The following OR9Q1 variants were observed in gnomAD, a reference collection of about 807,000 sequenced individuals.
The protein encoded by OR9Q1 is olfactory receptor family 9 subfamily Q member 1.
For missense variants in OR9Q1, 374 were observed against 378.8 expected (o/e 0.99, Z 0.11); for synonymous variants, 153 against 148.6 (o/e 1.03, Z -0.22).
chr11:58,162,471 T>G (rs1186338327), intron 2 of OR9Q1, among the ~76,000 whole-genome samples: 1 of 152,180 alleles, frequency 6.6e-6, no homozygotes, highest in African/African-American at 2.4e-5. Context: ...TGAAGCTGTC[T>G]ATGCCACGCT....
intron 2 of OR9Q1, among the ~76,000 whole-genome samples, chr11:58,169,608 C>T (rs866251659): frequency 2.0e-5 from 3 of 152,012 alleles, no homozygotes; most frequent in Admixed American, 1.3e-4. Context: ...TAAAATGAAC[C>T]TTTTCCAAAC....
intron 2 of OR9Q1, among the ~76,000 whole-genome samples, chr11:58,165,451 G>T (rs1476068869): frequency 1.3e-5 from 2 of 152,176 alleles, no homozygotes; most frequent in African/African-American, 4.8e-5. Context: ...AATAAATTCT[G>T]TAGACATTTA....
chr11:58,110,387 G>A (rs1266199831), intron 2 of OR9Q1, among the ~76,000 whole-genome samples: 1 of 152,118 alleles, frequency 6.6e-6, no homozygotes, highest in Non-Finnish European at 1.5e-5. Flanking sequence ...GCTCTCCTAT[G>A]AACTATGTCA....
intron 2 of OR9Q1, among the ~76,000 whole-genome samples, chr11:58,062,046 A>T (rs1175601366): frequency 6.6e-6 from 1 of 152,230 alleles, no homozygotes; most frequent in Non-Finnish European, 1.5e-5. Context: ...TAGTATAGGT[A>T]GGAATGGTGC....
intron 1 of OR9Q1, chr11:58,031,535 G>C (rs1157246454): frequency 6.2e-7 from 1 of 1,614,092 alleles, no homozygotes; most frequent in Middle Eastern, 1.6e-4. Flanking sequence ...GTCGTGCTCA[G>C]ATGTCACTTG....
intron 1 of OR9Q1, chr11:58,030,853 G>A (rs1183395306): frequency 2.7e-6 from 2 of 735,038 alleles, no homozygotes; most frequent in Non-Finnish European, 4.8e-6. Context: ...CTCTTCTGAA[G>A]TGAAAGGCAT....
intron 2 of OR9Q1, among the ~76,000 whole-genome samples, chr11:58,093,041 TCTCTAA>T (rs1433665592): frequency 4.6e-5 from 7 of 152,174 alleles, no homozygotes; most frequent in Admixed American, 3.3e-4. Flanking sequence ...TAACTCAACT[TCTCTAA>T]CTCTGTCTAT....
chr11:58,055,180 A>G (rs1853315435), intron 1 of OR9Q1, among the ~76,000 whole-genome samples: 1 of 152,218 alleles, frequency 6.6e-6, no homozygotes, highest in Admixed American at 6.5e-5. Flanking sequence ...AAGGGGACCT[A>G]CACCATAGGA....
chr11:58,093,406 A>G (rs1853701846), intron 2 of OR9Q1, among the ~76,000 whole-genome samples: 1 of 152,194 alleles, frequency 6.6e-6, no homozygotes, highest in African/African-American at 2.4e-5. Context: ...ATGACCAACA[A>G]GCATGTGAAA....
chr11:58,058,912 G>C (rs1048382831), intron 2 of OR9Q1, among the ~76,000 whole-genome samples: 1 of 152,282 alleles, frequency 6.6e-6, no homozygotes, highest in South Asian at 2.1e-4. Context: ...ATGGGAACTG[G>C]AAACAGTTGG....
At chr11:58,065,757 G>C (rs1175059230) in intron 2 of OR9Q1, among the ~76,000 whole-genome samples, 1 of 152,158 alleles carries the variant, frequency 6.6e-6, no homozygotes, top group Admixed American at 6.5e-5. Flanking sequence ...TGTGCAAAGG[G>C]GGGCATTGAG....
chr11:58,084,474 C>G (rs1287141216), intron 2 of OR9Q1, among the ~76,000 whole-genome samples: 6 of 151,748 alleles, frequency 4.0e-5, no homozygotes, highest in African/African-American at 1.5e-4. Context: ...CAAAATCTGA[C>G]AGAGACTAAA....
intron 2 of OR9Q1, among the ~76,000 whole-genome samples, chr11:58,082,147 T>C (rs1196624764): frequency 4.6e-5 from 7 of 152,018 alleles, no homozygotes; most frequent in Non-Finnish European, 8.8e-5. Context: ...AATAGGAACA[T>C]TTTTACACTG....
At chr11:58,151,523 A>G (rs1854351680) in intron 2 of OR9Q1, among the ~76,000 whole-genome samples, 1 of 152,242 alleles carries the variant, frequency 6.6e-6, no homozygotes, top group South Asian at 2.1e-4. Flanking sequence ...AACTGTCTTC[A>G]GTATGACTCT....
intron 2 of OR9Q1, among the ~76,000 whole-genome samples, chr11:58,113,779 A>G (rs1489417042): frequency 6.6e-6 from 1 of 152,198 alleles, no homozygotes; most frequent in Non-Finnish European, 1.5e-5. Context: ...GCTGGGGAAG[A>G]TAAATAACTT....
At chr11:58,097,392 T>A (rs1167891899) in intron 2 of OR9Q1, among the ~76,000 whole-genome samples, 6 of 152,224 alleles carry the variant, frequency 3.9e-5, no homozygotes. Flanking sequence ...GTTAGATGTG[T>A]ATTTAACATT....
rs1433805486 is a variant in OR9Q1 at position 58,136,695 on chromosome 11, A to G, written c.-14-42736A>G. 2.6e-5 allele frequency among the ~76,000 whole-genome samples: 4 copies of G among 152,310 alleles called. No homozygotes were observed. The South Asian group carries it at 6.2e-4, about 24-fold the overall frequency. The stretch of plus-strand genomic sequence containing the variant: ...CTAGCTCCTCTGAAGATGAGCGACC[A>G]TTGGGCAACCTTAGTCTTTAAAATA... On this transcript the variant is annotated intron_variant, in intron 2 of 2. Coordinates refer to ENST00000335397, the MANE Select transcript of OR9Q1 (RefSeq NM_001005212.4).
chr11:58,100,132 C>A (rs181596590), intron 2 of OR9Q1, among the ~76,000 whole-genome samples: 1 of 152,294 alleles, frequency 6.6e-6, no homozygotes, highest in Admixed American at 6.5e-5. Context: ...CTTGGAGCAG[C>A]ATTTCAAGAG....
At chr11:58,081,540 GT>G (rs1853587196) in intron 2 of OR9Q1, among the ~76,000 whole-genome samples, 1 of 152,114 alleles carries the variant, frequency 6.6e-6, no homozygotes, top group Non-Finnish European at 1.5e-5. Flanking sequence ...TCTCATTGTG[GT>G]TTTGATTTGC....
Sources: allele counts gnomAD v4.1 joint callset (sites outside exome capture counted in the v4.1 genomes callset), GRCh38; gene constraint gnomAD v4.1.1; transcripts MANE v1.5; gene names NCBI Gene and HGNC (gene_info 2026-07-23, HGNC 2026-07-21).